The following CCSER1 variants were observed in gnomAD, a reference collection of about 807,000 sequenced individuals.
The protein encoded by CCSER1 is coiled-coil serine rich protein 1, also known as serine-rich coiled-coil domain-containing protein 1.
CCSER1 carries 41 observed loss-of-function variants against 82.0 expected under a neutral mutation model. The observed-to-expected ratio is 0.50, with a 90% CI of 0.39 to 0.65. CCSER1 has a LOEUF of 0.65. Ranked by LOEUF, CCSER1 falls within the 30% of genes least tolerant of loss-of-function variation. The pLI, the probability that CCSER1 is intolerant of heterozygous loss-of-function variation, is 0.00. For synonymous variants in CCSER1, 414 were observed against 383.9 expected (o/e 1.08, Z -0.92); for missense variants, 1,119 against 1,064.2 (o/e 1.05, Z -0.72).
intron 3 of CCSER1, among the ~76,000 whole-genome samples, chr4:90,361,147 A>G (rs1745302603): frequency 6.6e-6 from 1 of 152,178 alleles, no homozygotes; most frequent in Non-Finnish European, 1.5e-5. Flanking sequence ...TTCATTCCCA[A>G]TGATAGGCAC....
intron 10 of CCSER1, among the ~76,000 whole-genome samples, chr4:91,361,410 AT>A (rs1445570858): frequency 3.3e-5 from 5 of 151,808 alleles, no homozygotes; most frequent in African/African-American, 9.6e-5. Context: ...GTTAACTTAA[AT>A]TTTTTTTGGA....
intron 5 of CCSER1, among the ~76,000 whole-genome samples, chr4:90,553,646 A>T (rs963890640): frequency 1.3e-5 from 2 of 152,208 alleles, no homozygotes; most frequent in Admixed American, 1.3e-4. Context: ...GGAAATAGTT[A>T]ACTCATTCAT....
At chr4:90,654,169 C>T (rs1729281719) in intron 6 of CCSER1, among the ~76,000 whole-genome samples, 1 of 152,080 alleles carries the variant, frequency 6.6e-6, no homozygotes, top group Non-Finnish European at 1.5e-5. Context: ...CATATCAGAT[C>T]CCTTATGTTT....
chr4:91,119,122 A>T (rs567414702), intron 10 of CCSER1, among the ~76,000 whole-genome samples: 2 of 152,302 alleles, frequency 1.3e-5, no homozygotes, highest in South Asian at 4.1e-4. Flanking sequence ...CCCATAATAC[A>T]TTTGCCCTGT....
intron 6 of CCSER1, among the ~76,000 whole-genome samples, chr4:90,694,609 A>G (rs1017444138): frequency 2.0e-5 from 3 of 148,468 alleles, no homozygotes; most frequent in East Asian, 2.0e-4. Flanking sequence ...GGGAGCATGG[A>G]AAATGTTTTC....
chr4:90,982,905 A>G (rs2150425945), intron 9 of CCSER1, among the ~76,000 whole-genome samples: 1 of 151,944 alleles, frequency 6.6e-6, no homozygotes, highest in African/African-American at 2.4e-5. Flanking sequence ...GAAGCAGACC[A>G]GTGAACCCAT....
chr4:90,297,130 G>A (rs921009530), intron 1 of CCSER1, among the ~76,000 whole-genome samples: 1 of 151,828 alleles, frequency 6.6e-6, no homozygotes, highest in Non-Finnish European at 1.5e-5. Context: ...CATGAGCATG[G>A]AATGTTCTTC....
At chr4:90,411,303 C>G (rs1754741835) in intron 4 of CCSER1, among the ~76,000 whole-genome samples, 1 of 152,134 alleles carries the variant, frequency 6.6e-6, no homozygotes, top group African/African-American at 2.4e-5. Flanking sequence ...ATACCAAAGC[C>G]TGGCAGAGAC....
chr4:90,535,659 T>A (rs1265840707), intron 5 of CCSER1, among the ~76,000 whole-genome samples: 1 of 152,140 alleles, frequency 6.6e-6, no homozygotes, highest in Non-Finnish European at 1.5e-5. Context: ...GGATCTCTTT[T>A]CTCCATATAC....
At chr4:90,933,706 C>T (rs1486228000) in intron 9 of CCSER1, among the ~76,000 whole-genome samples, 2 of 149,980 alleles carry the variant, frequency 1.3e-5, no homozygotes, top group Non-Finnish European at 3.0e-5. Flanking sequence ...TTTTTCTCCA[C>T]TTTGGTTTTA....
chr4:90,399,432 G>C (rs564211280), intron 3 of CCSER1, among the ~76,000 whole-genome samples: 2 of 151,958 alleles, frequency 1.3e-5, no homozygotes, highest in Non-Finnish European at 2.9e-5. Flanking sequence ...ATTGGCAAAT[G>C]GTAGCCAAAT....
chr4:90,515,014 T>G (rs568276740), intron 5 of CCSER1, among the ~76,000 whole-genome samples: 21 of 151,994 alleles, frequency 1.4e-4, no homozygotes, highest in African/African-American at 5.1e-4. Flanking sequence ...TGTGCCATCA[T>G]GCCCGGCTGA....
In CCSER1 at chr4:90,704,380, G is replaced by A. The variant is rs1037997419; in HGVS notation, c.1933-19534G>A. Among the ~76,000 whole-genome samples, 5 of 152,216 alleles carry A rather than the reference G, an allele frequency of 3.3e-5. No homozygotes were observed. In the South Asian group the frequency reaches 8.3e-4, roughly 25 times the overall value. On this transcript the variant is annotated intron_variant, in intron 6 of 10. Transcript: ENST00000509176. ...TTGGGCTTCCCTTTGTGGGTAACCCGACCTTTCTCTCTGGCTGCCCTTAAC... is the reference window on the plus strand; with the variant it reads ...TTGGGCTTCCCTTTGTGGGTAACCCAACCTTTCTCTCTGGCTGCCCTTAAC...
rs577496232 is a variant in CCSER1 at position 90,281,235 on chromosome 4, G to A, written c.-41-27009G>A. Among the ~76,000 whole-genome samples the A allele has an allele frequency of 4.6e-5, 7 of 152,130 alleles. No homozygotes were observed. The South Asian group carries it at 1.4e-3, about 31-fold the overall frequency. On this transcript the variant is annotated intron_variant, in intron 1 of 10. Coordinates refer to ENST00000509176, the MANE Select transcript of CCSER1 (RefSeq NM_001145065.2). ...CACGTGATCTCACTTATATGTGGGA[G>A]CTAAACACTGAGTACACATGCACAC...
At chr4:91,341,879 G>A (rs1747744415) in intron 10 of CCSER1, among the ~76,000 whole-genome samples, 1 of 152,040 alleles carries the variant, frequency 6.6e-6, no homozygotes. Context: ...CTTTTACTTG[G>A]AAAATATAAA....
chr4:90,544,713 C>G (rs1035090578), intron 5 of CCSER1, among the ~76,000 whole-genome samples: 1 of 152,030 alleles, frequency 6.6e-6, no homozygotes, highest in African/African-American at 2.4e-5. Flanking sequence ...ACCCTAATTC[C>G]TATTGTTAGA....
At chr4:91,452,258 C>T (rs556895785) in intron 10 of CCSER1, among the ~76,000 whole-genome samples, 2 of 152,068 alleles carry the variant, frequency 1.3e-5, no homozygotes, top group East Asian at 3.9e-4. Context: ...TGTCACAGAT[C>T]CCATGAACCT....
chr4:90,700,802 T>G (rs1737929114), intron 6 of CCSER1, among the ~76,000 whole-genome samples: 1 of 152,238 alleles, frequency 6.6e-6, no homozygotes, highest in Non-Finnish European at 1.5e-5. Flanking sequence ...GAGACGTGAC[T>G]GTTCATATCC....
chr4:91,461,121 G>C (rs1185784599), intron 10 of CCSER1, among the ~76,000 whole-genome samples: 1 of 152,114 alleles, frequency 6.6e-6, no homozygotes, highest in Non-Finnish European at 1.5e-5. Flanking sequence ...CCAAAGACTT[G>C]CTCATAGCCC....
Sources: allele counts gnomAD v4.1 joint callset (sites outside exome capture counted in the v4.1 genomes callset), GRCh38; gene constraint gnomAD v4.1.1; transcripts MANE v1.5; gene names NCBI Gene and HGNC (gene_info 2026-07-23, HGNC 2026-07-21).